ADGRV1: variants seen among roughly 807,000 people sequenced by gnomAD.
ADGRV1 encodes adhesion G protein-coupled receptor V1.
Under a neutral mutation model 596.2 loss-of-function variants are expected in ADGRV1, and 359 were observed. The observed-to-expected ratio is 0.60, with a 90% confidence interval of 0.55 to 0.66. The LOEUF (loss-of-function observed/expected upper bound fraction) is 0.66, where lower values mean the gene tolerates loss of function less well. ADGRV1 is among the 30% of genes least tolerant of loss of function. The probability of loss-of-function intolerance (pLI) is 0.00; values close to 1 mark genes in which losing one functional copy is unlikely to be tolerated. For missense variants in ADGRV1, 7,274 were observed against 7,575.6 expected, an observed-to-expected ratio of 0.96 and a Z score of 1.48; for synonymous variants, 2,681 against 2,679.2, an observed-to-expected ratio of 1.00 and a Z score of -0.02.
chr5:90,583,216 G>C (rs1758295014), intron 1 of ADGRV1, among the ~76,000 whole-genome samples: 1 of 152,020 alleles, frequency 6.6e-6, no homozygotes, highest in Admixed American at 6.5e-5. Flanking sequence ...TGAGACCTTA[G>C]TATAATATAT....
intron 58 of ADGRV1, among the ~76,000 whole-genome samples, chr5:90,760,411 G>A (rs1342664650): frequency 5.3e-5 from 8 of 152,120 alleles, no homozygotes; most frequent in Admixed American, 1.3e-4. Context: ...AGTAATGTGA[G>A]CTCTTAATAT....
At chr5:90,597,025 G>A (rs1269308557) in intron 1 of ADGRV1, among the ~76,000 whole-genome samples, 2 of 152,240 alleles carry the variant, frequency 1.3e-5, no homozygotes, top group Non-Finnish European at 2.9e-5. Context: ...TCTTCACTAT[G>A]TGGACACAGG....
chr5:90,761,331 G>C (rs762197158), intron 58 of ADGRV1, among the ~76,000 whole-genome samples: 1 of 152,200 alleles, frequency 6.6e-6, no homozygotes, highest in Non-Finnish European at 1.5e-5. Context: ...TTTGTAAGGA[G>C]TGTTGGATTG....
rs111379369 is a variant in ADGRV1 at position 90,670,896 on chromosome 5, A to G, written c.4753-1650A>G. 5.6e-4 allele frequency among the ~76,000 whole-genome samples: 86 copies of G among 152,320 alleles called. 1 individual carries two copies. Among genetic ancestry groups the G allele is most frequent in the African/African-American group, 1.8e-3 (74 of 41,584 alleles). Reference sequence around the variant, plus strand: ...CCTAATACATCCTAATACAAGCACCATCATCTGAAGGCATAAAGAATGCCA... The same window carrying G: ...CCTAATACATCCTAATACAAGCACCGTCATCTGAAGGCATAAAGAATGCCA... On this transcript the variant is annotated intron_variant, in intron 21 of 89. Transcript: ENST00000405460.
At chr5:91,095,908 G>A (rs1434681051) in intron 86 of ADGRV1, among the ~76,000 whole-genome samples, 4 of 150,786 alleles carry the variant, frequency 2.7e-5, no homozygotes, top group South Asian at 2.1e-4. Context: ...TCAGCCTCCC[G>A]AGTAGCCACC....
intron 84 of ADGRV1, among the ~76,000 whole-genome samples, chr5:90,980,492 G>A (rs76648758): frequency 0.019 from 2,951 of 152,184 alleles, 82 homozygotes; most frequent in African/African-American, 0.066. Context: ...ATAACATTTC[G>A]GCTAAAAATG....
At chr5:91,041,739 A>C (rs574833672) in intron 85 of ADGRV1, among the ~76,000 whole-genome samples, 30 of 152,222 alleles carry the variant, frequency 2.0e-4, no homozygotes, top group Admixed American at 5.2e-4. Flanking sequence ...AATTTCCTGA[A>C]GCTAGATGAG....
intron 87 of ADGRV1, among the ~76,000 whole-genome samples, chr5:91,118,139 T>C (rs1793009702): frequency 6.6e-6 from 1 of 152,120 alleles, no homozygotes; most frequent in African/African-American, 2.4e-5. Context: ...CAAATTTGGA[T>C]GAGTCTAGAG....
intron 85 of ADGRV1, among the ~76,000 whole-genome samples, chr5:91,055,190 C>T (rs936329029): frequency 6.6e-6 from 1 of 152,046 alleles, no homozygotes; most frequent in Non-Finnish European, 1.5e-5. Context: ...GTATTAGACA[C>T]TGGATTAGAG....
At chr5:90,593,014 C>G (rs556410246) in intron 1 of ADGRV1, among the ~76,000 whole-genome samples, 1 of 152,108 alleles carries the variant, frequency 6.6e-6, no homozygotes, top group African/African-American at 2.4e-5. Flanking sequence ...TGTAAATTAG[C>G]TCAACCATTG....
At chr5:91,008,764 G>A (rs1195653251) in intron 85 of ADGRV1, among the ~76,000 whole-genome samples, 2 of 152,114 alleles carry the variant, frequency 1.3e-5, no homozygotes, top group Non-Finnish European at 2.9e-5. Flanking sequence ...GTCACTGAAA[G>A]TGCTGGGATT....
rs1389341268 is a variant in ADGRV1 at position 90,708,837 on chromosome 5, G to A, written c.8752G>A (p.Glu2918Lys). 1 of 1,611,288 alleles carries A rather than the reference G, an allele frequency of 6.2e-7. No homozygotes were observed. Among genetic ancestry groups the A allele is most frequent in the Non-Finnish European group, 8.5e-7 (1 of 1,177,916 alleles). The change falls in exon 39 of 90, where the codon GAA (glutamate) becomes AAA (lysine). Residue 2918 changes from glutamate to lysine, a missense_variant. Physicochemically the swap from Glu to Lys is moderately conservative, Grantham distance 56. Around this residue, in one of 5 missense-constraint regions of ADGRV1, gnomAD observed 3,643 missense variants for 3,809.2 expected, o/e 0.96. Coordinates refer to ENST00000405460, the MANE Select transcript of ADGRV1 (RefSeq NM_032119.4). The stretch of plus-strand genomic sequence containing the variant: ...TCAGGATGATGTACCAGAGCTAGAA[G>A]AATATTTCCTGGTGAATTTAACTTA... ...ILEDDVPELE[E>K]YFLVNLTYVG...
intron 1 of ADGRV1, among the ~76,000 whole-genome samples, chr5:90,563,570 T>G (rs1449391253): frequency 1.3e-5 from 2 of 152,260 alleles, no homozygotes; most frequent in African/African-American, 2.4e-5. Flanking sequence ...AAAGTCATTG[T>G]GTGCACTGTT....
At chr5:90,756,694 T>C in intron 56 of ADGRV1, 64 bp downstream of exon 56, 1 of 1,349,554 alleles carries the variant, frequency 7.4e-7, no homozygotes, top group Non-Finnish European at 1.0e-6. Context: ...TTGGCCAGTG[T>C]TTTATGTTTA....
intron 42 of ADGRV1, among the ~76,000 whole-genome samples, chr5:90,715,511 T>C (rs1454300102): frequency 6.6e-6 from 1 of 152,200 alleles, no homozygotes; most frequent in Non-Finnish European, 1.5e-5. Context: ...TGCAGGTGAC[T>C]TTAGAGTGGG....
intron 78 of ADGRV1, among the ~76,000 whole-genome samples, chr5:90,842,741 G>GT (rs1267956564): frequency 2.6e-5 from 4 of 151,996 alleles, no homozygotes; most frequent in African/African-American, 9.7e-5. Context: ...GTAAAATCAA[G>GT]TAGAAAACAT....
In ADGRV1 at chr5:90,756,539, C is replaced by G. The variant is rs1755849347; in HGVS notation, c.11666C>G (p.Pro3889Arg). The G allele has an allele frequency of 6.2e-7, 1 of 1,613,012 alleles. No homozygotes were observed. Among genetic ancestry groups the G allele is most frequent in the African/African-American group, 1.3e-5 (1 of 74,886 alleles). ...LVNSDFSTGQ[P>R]SVRRPGMEIA... ...AACTCTGACTTCTCTACAGGACAGCCAAGTGTGCGGAGGCCCGGAATGGAA... is the reference window on the plus strand; with the variant it reads ...AACTCTGACTTCTCTACAGGACAGCGAAGTGTGCGGAGGCCCGGAATGGAA... Residue 3889 changes from proline to arginine, a missense_variant, in exon 56 of 90, where the codon CCA becomes CGA. By Grantham distance (103) the Pro-to-Arg change is moderately radical (BLOSUM62 -2). Coordinates refer to ENST00000405460, the MANE Select transcript of ADGRV1 (RefSeq NM_032119.4).
At chr5:91,061,044 T>C (rs1355483739) in intron 85 of ADGRV1, among the ~76,000 whole-genome samples, 1 of 152,206 alleles carries the variant, frequency 6.6e-6, no homozygotes, top group Non-Finnish European at 1.5e-5. Flanking sequence ...TCTGAAAGGC[T>C]AGAAACTCTC....
At chr5:91,105,620 C>A (rs1357437384) in intron 87 of ADGRV1, among the ~76,000 whole-genome samples, 6 of 152,106 alleles carry the variant, frequency 3.9e-5, no homozygotes, top group African/African-American at 9.7e-5. Context: ...ATTTGTTGGT[C>A]ATTTGTATAA....
Sources: gnomAD v4.1 joint callset for allele counts (sites outside exome capture counted in the v4.1 genomes callset) on GRCh38, gnomAD v4.1.1 for gene constraint, gnomAD v4.1.1 regional missense constraint, MANE v1.5 for transcripts, NCBI Gene and HGNC (gene_info 2026-07-23, HGNC 2026-07-21) for gene names.